The following PDS5B variants were observed in gnomAD, a reference collection of about 807,000 sequenced individuals.
The protein encoded by PDS5B is sister chromatid cohesion protein PDS5 homolog B.
In PDS5B, 51 loss-of-function variants were observed where a neutral mutation model predicts 184.1. The observed-to-expected ratio is 0.28, with a 90% CI of 0.22 to 0.35. The LOEUF (loss-of-function observed/expected upper bound fraction) is 0.35, where lower values mean the gene tolerates loss of function less well. PDS5B is among the 10% of genes least tolerant of loss of function. The probability of loss-of-function intolerance (pLI) is 1.00; values close to 1 mark genes in which losing one functional copy is unlikely to be tolerated. For synonymous variants in PDS5B, 566 were observed against 569.2 expected (o/e 0.99, Z 0.08); for missense variants, 1,180 against 1,723.3 (o/e 0.68, Z 5.58).
intron 16 of PDS5B, 180 bp from the exon 17 acceptor site, chr13:32,701,143 T>G (rs1051330745): frequency 2.0e-6 from 1 of 492,116 alleles, no homozygotes; most frequent in African/African-American, 1.9e-5. Context: ...ACTTGAAATA[T>G]TACCTTTTTC....
At position 32,732,206 on chromosome 13, in the gene PDS5B, G is replaced by A. The variant is rs567727616; in HGVS notation, c.2229G>A (p.Gln743=). 22 of 1,606,906 alleles carry A rather than the reference G, an allele frequency of 1.4e-5. No homozygotes were observed. In the Admixed American group the frequency reaches 3.4e-4, roughly 25 times the overall value. The change falls in exon 20 of 35, where the codon CAG becomes CAA. Residue 743 remains glutamine (Q), a synonymous_variant. Transcript: ENST00000315596. The part of the protein sequence containing the change: ...IHAIFSSKET[Q]FAQIFEPLHK... ...CGATATTTTCTAGTAAAGAGACCCA[G>A]TTTGCACAGATATTTGAGGTAATGA...
At chr13:32,705,701 A>G (rs1359927472) in intron 17 of PDS5B, among the ~76,000 whole-genome samples, 1 of 152,110 alleles carries the variant, frequency 6.6e-6, no homozygotes. Context: ...ATTTTTAGAG[A>G]TAGGGTCTCA....
intron 19 of PDS5B, among the ~76,000 whole-genome samples, chr13:32,722,299 C>T (rs1041675163): frequency 2.6e-5 from 4 of 152,210 alleles, no homozygotes; most frequent in South Asian, 2.1e-4. Context: ...GAGCCGAGAT[C>T]GCGGCAGTAC....
chr13:32,661,409 A>AAAAAAAAAAAAAAAAAAAAAAAAAAT (rs1950643528), intron 6 of PDS5B, among the ~76,000 whole-genome samples: 1 of 146,492 alleles, frequency 6.8e-6, no homozygotes, highest in Non-Finnish European at 1.5e-5. Flanking sequence ...AAAAAAAAAA[A>AAAAAAAAAAAAAAAAAAAAAAAAAAT]ACAGAAAAAG....
In PDS5B at chr13:32,688,517, C is replaced by T; in HGVS notation, c.1417C>T (p.Arg473Trp). ...MVPHNLETTE[R>W]MKCLYYLYAT... is the part of the protein sequence containing the mutation. ...TCCTCACAATTTAGAAACTACAGAA[C>T]GGATGAAATGCTTATATTACTTGTA... Residue 473 changes from arginine to tryptophan, a missense_variant, in exon 13 of 35, where the codon CGG becomes TGG. Physicochemically the swap from Arg to Trp is moderately radical, Grantham distance 101. Transcript: ENST00000315596. 1 of 1,609,438 alleles carries T rather than the reference C, an allele frequency of 6.2e-7. No individual in the cohort carries two copies. The highest frequency in any genetic ancestry group is 8.5e-7 in the Non-Finnish European group (1 of 1,176,098).
At chr13:32,630,388 G>A (rs1566262102) in intron 1 of PDS5B, among the ~76,000 whole-genome samples, 1 of 152,150 alleles carries the variant, frequency 6.6e-6, no homozygotes, top group Non-Finnish European at 1.5e-5. Context: ...ACTGGGGATG[G>A]TGATGGTGTG....
intron 1 of PDS5B, among the ~76,000 whole-genome samples, chr13:32,642,840 G>T (rs1477900512): frequency 6.6e-6 from 1 of 151,906 alleles, no homozygotes; most frequent in Non-Finnish European, 1.5e-5. Flanking sequence ...TTTTCTTTCA[G>T]TCTTATTTTT....
At chr13:32,661,864 T>C (rs370337132) in intron 6 of PDS5B, among the ~76,000 whole-genome samples, 619 of 152,298 alleles carry the variant, frequency 4.1e-3, no homozygotes, top group Non-Finnish European at 7.4e-3. Context: ...ATGAATCTTA[T>C]GTAAAATAGA....
intron 21 of PDS5B, among the ~76,000 whole-genome samples, chr13:32,736,518 T>C (rs1202088641): frequency 1.3e-5 from 2 of 152,100 alleles, no homozygotes; most frequent in Non-Finnish European, 2.9e-5. Context: ...TTCTGTCTGT[T>C]TGCTGTGAAT....
intron 8 of PDS5B, 45 bp from the exon 9 acceptor site, chr13:32,675,799 A>T (rs1566313241): frequency 8.6e-7 from 1 of 1,159,366 alleles, no homozygotes; most frequent in Non-Finnish European, 1.3e-6. Context: ...CTTATTCTGA[A>T]TATCTACTGC....
chr13:32,737,253 C>T (rs1246614086), intron 21 of PDS5B, among the ~76,000 whole-genome samples: 3 of 152,134 alleles, frequency 2.0e-5, no homozygotes, highest in Admixed American at 6.6e-5. Context: ...CAGATCACTT[C>T]CATCCAATGA....
At position 32,651,840 on chromosome 13, in the gene PDS5B, T is replaced by A; in HGVS notation, c.145T>A (p.Ser49Thr). 2 of 1,613,038 alleles carry A rather than the reference T, an allele frequency of 1.2e-6. No homozygotes were observed. The highest frequency in any genetic ancestry group is 8.5e-7 in the Non-Finnish European group (1 of 1,179,080). ...AACTTTTATGGATATGGACCAGGACTCTGAAGAAGAAAAGGAGCTTTATTT... is the reference window on the plus strand; with the variant it reads ...AACTTTTATGGATATGGACCAGGACACTGAAGAAGAAAAGGAGCTTTATTT... Reference protein sequence around the residue: ...VKTFMDMDQDSEEEKELYLNL... With the variant: ...VKTFMDMDQDTEEEKELYLNL... Residue 49 changes from serine (S) to threonine (T), a missense_variant, in exon 3 of 35, where the codon TCT becomes ACT. Coordinates refer to ENST00000315596, the MANE Select transcript of PDS5B (RefSeq NM_015032.4).
At chr13:32,675,095 A>C (rs747799352) in intron 8 of PDS5B, among the ~76,000 whole-genome samples, 2 of 152,096 alleles carry the variant, frequency 1.3e-5, no homozygotes, top group African/African-American at 4.8e-5. Context: ...GCATTGGTTT[A>C]AAATTTAAAA....
At chr13:32,610,173 AG>A (rs1029451936) in intron 1 of PDS5B, among the ~76,000 whole-genome samples, 13 of 152,346 alleles carry the variant, frequency 8.5e-5, no homozygotes, top group African/African-American at 3.1e-4. Flanking sequence ...TTAGATCATC[AG>A]TTGAGAATGA....
chr13:32,601,236 T>G (rs1031275884), intron 1 of PDS5B, among the ~76,000 whole-genome samples: 14 of 152,234 alleles, frequency 9.2e-5, no homozygotes, highest in Admixed American at 9.2e-4. Context: ...GGTTTATAAT[T>G]GCTATTTGTG....
intron 1 of PDS5B, 125 bp downstream of exon 1, chr13:32,586,718 G>A (rs2057681669): frequency 6.7e-6 from 1 of 150,096 alleles, no homozygotes; most frequent in African/African-American, 2.4e-5. Context: ...CCGCCCGCCT[G>A]GGTGCCAGGC....
At chr13:32,745,878 A>G (rs930958224) in intron 23 of PDS5B, 99 bp from the exon 24 acceptor site, 29 of 986,460 alleles carry the variant, frequency 2.9e-5, no homozygotes, top group Non-Finnish European at 4.1e-5. Context: ...TTTTTTTTTA[A>G]ACTTTTTTGT....
intron 6 of PDS5B, among the ~76,000 whole-genome samples, chr13:32,666,921 A>G (rs1950812100): frequency 6.6e-6 from 1 of 152,198 alleles, no homozygotes; most frequent in Non-Finnish European, 1.5e-5. Flanking sequence ...ACAGAAAATT[A>G]CTTCTCATTT....
At chr13:32,591,353 G>A (rs916676102) in intron 1 of PDS5B, among the ~76,000 whole-genome samples, 5 of 151,842 alleles carry the variant, frequency 3.3e-5, no homozygotes, top group South Asian at 2.1e-4. Flanking sequence ...TCCTGACCTC[G>A]TGATCCGCCC....
Sources: gnomAD v4.1 joint callset for allele counts (sites outside exome capture counted in the v4.1 genomes callset) on GRCh38, gnomAD v4.1.1 for gene constraint, MANE v1.5 for transcripts, NCBI Gene and HGNC (gene_info 2026-07-23, HGNC 2026-07-21) for gene names.